The following WHRN variants were observed in gnomAD, a reference collection of about 807,000 sequenced individuals.
WHRN encodes whirlin, also known as CASK-interacting protein CIP98.
In WHRN, 41 loss-of-function variants were observed where a neutral mutation model predicts 68.3. The ratio of observed to expected loss-of-function variants is 0.60; its 90% confidence interval spans 0.47 to 0.78. WHRN has a LOEUF of 0.78. WHRN is among the 30% of genes least tolerant of loss of function. WHRN has a pLI of 0.00. For synonymous variants in WHRN, 560 were observed against 561.3 expected, an observed-to-expected ratio of 1.00 and a Z score of 0.03; for missense variants, 1,243 against 1,244.7, an observed-to-expected ratio of 1.00 and a Z score of 0.02.
intron 1 of WHRN, among the ~76,000 whole-genome samples, chr9:114,484,665 A>G (rs1328288703): frequency 6.6e-6 from 1 of 152,248 alleles, no homozygotes; most frequent in Non-Finnish European, 1.5e-5. Context: ...CAAATCATAG[A>G]GAAATCTCGA....
intron 3 of WHRN, among the ~76,000 whole-genome samples, chr9:114,431,809 T>C (rs1323073623): frequency 6.6e-6 from 1 of 152,088 alleles, no homozygotes; most frequent in Non-Finnish European, 1.5e-5. Flanking sequence ...TTCCAAGGCG[T>C]CTCTTATAGA....
chr9:114,486,899 T>A (rs56305296), intron 1 of WHRN, among the ~76,000 whole-genome samples: 5,867 of 82,702 alleles, frequency 0.071, 403 homozygotes, highest in Admixed American at 0.2. Context: ...TGTGTGTGTG[T>A]GTGTGTAGAG....
At chr9:114,495,636 G>A (rs1843391084) in intron 1 of WHRN, among the ~76,000 whole-genome samples, 1 of 152,202 alleles carries the variant, frequency 6.6e-6, no homozygotes, top group South Asian at 2.1e-4. Context: ...CAGACATTTG[G>A]GGAAAGAGGA....
intron 1 of WHRN, among the ~76,000 whole-genome samples, chr9:114,492,788 C>T (rs1267261574): frequency 6.6e-6 from 1 of 152,032 alleles, no homozygotes; most frequent in African/African-American, 2.4e-5. Context: ...GAGCTCACGA[C>T]CAGCCTGCGC....
At chr9:114,419,483 GA>G (rs1490617532) in intron 7 of WHRN, among the ~76,000 whole-genome samples, 1 of 152,218 alleles carries the variant, frequency 6.6e-6, no homozygotes, top group African/African-American at 2.4e-5. Context: ...GGGTAACTGG[GA>G]AACCTGTACA....
chr9:114,404,168 G>A, intron 9 of WHRN, 91 bp from the exon 10 acceptor site: 3 of 1,372,666 alleles, frequency 2.2e-6, no homozygotes, highest in Non-Finnish European at 3.0e-6. Flanking sequence ...GAGGCTGGAA[G>A]GCTGGGGGAA....
In WHRN at chr9:114,403,853, C is replaced by G. The variant is rs367939108; in HGVS notation, c.2418+43G>C. On this transcript the variant is annotated intron_variant, in intron 10 of 11. Coordinates refer to ENST00000362057, the MANE Select transcript of WHRN (RefSeq NM_015404.4). ...GACCTCCCATTCTGTGCCTGGGGCCCGTGTTCCTCTCAGCCCTCTGCATCC... is the reference window on the plus strand; with the variant it reads ...GACCTCCCATTCTGTGCCTGGGGCCGGTGTTCCTCTCAGCCCTCTGCATCC... 6 of 1,605,230 alleles carry G rather than the reference C, an allele frequency of 3.7e-6. No homozygotes were observed. In the African/African-American group the frequency reaches 6.7e-5, roughly 18 times the overall value.
intron 2 of WHRN, among the ~76,000 whole-genome samples, chr9:114,471,040 C>T (rs1179791932): frequency 6.6e-6 from 1 of 152,160 alleles, no homozygotes; most frequent in Non-Finnish European, 1.5e-5. Flanking sequence ...GAGTCTTTAT[C>T]ACAGAACTGT....
intron 3 of WHRN, among the ~76,000 whole-genome samples, chr9:114,432,823 T>C (rs536773506): frequency 1.3e-5 from 2 of 152,262 alleles, no homozygotes; most frequent in African/African-American, 4.8e-5. Flanking sequence ...ATAAATGCAA[T>C]AAATGCATTT....
At chr9:114,413,413 T>TGAGCCAGGGA (rs1368884844) in intron 7 of WHRN, among the ~76,000 whole-genome samples, 4 of 152,060 alleles carry the variant, frequency 2.6e-5, no homozygotes, top group Admixed American at 6.5e-5. Flanking sequence ...GACAGGGATG[T>TGAGCCAGGGA]GAGCCAGGGA....
At chr9:114,460,022 T>C (rs1203028017) in intron 3 of WHRN, among the ~76,000 whole-genome samples, 1 of 152,144 alleles carries the variant, frequency 6.6e-6, no homozygotes, top group African/African-American at 2.4e-5. Context: ...TCAGCCAGGA[T>C]GGCAGTTGGT....
At chr9:114,487,131 C>A (rs947127217) in intron 1 of WHRN, among the ~76,000 whole-genome samples, 11 of 145,084 alleles carry the variant, frequency 7.6e-5, no homozygotes, top group Non-Finnish European at 1.3e-4. Context: ...TTAAATTAGT[C>A]AATATATATA....
chr9:114,442,383 A>T (rs185085061), intron 3 of WHRN, among the ~76,000 whole-genome samples: 1 of 152,188 alleles, frequency 6.6e-6, no homozygotes, highest in South Asian at 2.1e-4. Flanking sequence ...GAGAAAAAAA[A>T]TACTGAAGTA....
chr9:114,453,878 C>G (rs182650769), intron 3 of WHRN, among the ~76,000 whole-genome samples: 4 of 152,152 alleles, frequency 2.6e-5, no homozygotes, highest in South Asian at 4.1e-4. Context: ...AAAACCCAGA[C>G]CACTATCCTT....
intron 2 of WHRN, among the ~76,000 whole-genome samples, chr9:114,467,520 G>A (rs1470815439): frequency 6.6e-6 from 1 of 151,804 alleles, no homozygotes; most frequent in Non-Finnish European, 1.5e-5. Flanking sequence ...GCCGGCGGGG[G>A]GGAAGGGAAA....
chr9:114,426,118 G>C (rs910873319), intron 4 of WHRN, 93 bp downstream of exon 4: 2 of 1,547,974 alleles, frequency 1.3e-6, no homozygotes, highest in Non-Finnish European at 1.8e-6. Context: ...GCTGAGAGGA[G>C]AGCCAGGGCG....
chr9:114,485,162 T>C (rs1224412108), intron 1 of WHRN, among the ~76,000 whole-genome samples: 2 of 152,126 alleles, frequency 1.3e-5, no homozygotes, highest in East Asian at 3.9e-4. Flanking sequence ...AGGGCAAGGT[T>C]TTCTCTTTTC....
At chr9:114,462,685 T>C (rs1216732941) in intron 3 of WHRN, among the ~76,000 whole-genome samples, 1 of 152,244 alleles carries the variant, frequency 6.6e-6, no homozygotes, top group Admixed American at 6.5e-5. Flanking sequence ...ACTCAGAGTT[T>C]GCTGGAGTGA....
intron 3 of WHRN, among the ~76,000 whole-genome samples, chr9:114,444,206 C>T (rs1403416493): frequency 6.6e-6 from 1 of 152,216 alleles, no homozygotes. Context: ...TGGAGCATAA[C>T]TTGGTTGAAA....
Sources: gnomAD v4.1 joint callset for allele counts (sites outside exome capture counted in the v4.1 genomes callset) on GRCh38, gnomAD v4.1.1 for gene constraint, MANE v1.5 for transcripts, NCBI Gene and HGNC (gene_info 2026-07-23, HGNC 2026-07-21) for gene names.